The following ANK3 variants were observed in gnomAD, a reference collection of about 807,000 sequenced individuals.
ANK3 encodes ankyrin-3.
Under a neutral mutation model 370.9 loss-of-function variants are expected in ANK3, and 57 were observed. The observed-to-expected ratio is 0.15, with a 90% CI of 0.12 to 0.19. The LOEUF is 0.19. ANK3 is among the 10% of genes least tolerant of loss of function. ANK3 has a pLI of 1.00. For missense variants in ANK3, 4,439 were observed against 5,302.1 expected (o/e 0.84, Z 5.06); for synonymous variants, 1,929 against 1,946.3 (o/e 0.99, Z 0.23).
At chr10:60,185,731 C>G (rs2096307319) in intron 17 of ANK3, among the ~76,000 whole-genome samples, 1 of 152,080 alleles carries the variant, frequency 6.6e-6, no homozygotes, top group Non-Finnish European at 1.5e-5. Context: ...TTCCTATTAT[C>G]TGAAGATTTA....
rs529841711 is a variant in ANK3, at chr10:60,086,551, GTTCTT to G, written c.3748+121_3748+125del. On this transcript the variant is annotated intron_variant, in intron 30 of 43. Transcript: ENST00000280772. ...AGGTGATGGACAAGTAAAATGTTTT[GTTCTT>G]TTATTTTCTCTTATAATGTTGGCAT... The G allele has an allele frequency of 6.8e-5, 54 of 798,638 alleles. No individual in the cohort carries two copies. In the African/African-American group the frequency reaches 9.1e-4, roughly 13 times the overall value. The allele number at this position is 798,638 out of a possible 1,614,324, so 49.5% of individuals were successfully genotyped here.
At chr10:60,506,864 T>C (rs1038606580) in intron 2 of ANK3, among the ~76,000 whole-genome samples, 1 of 152,074 alleles carries the variant, frequency 6.6e-6, no homozygotes. Context: ...AAAAGGACAT[T>C]TTCCCATTAG....
chr10:60,035,792 C>A (rs2074831347), intron 43 of ANK3, among the ~76,000 whole-genome samples: 1 of 151,046 alleles, frequency 6.6e-6, no homozygotes. Context: ...GAGTTTGAGA[C>A]CAGCCTGACC....
chr10:60,200,308 G>A, intron 12 of ANK3, 81 bp from the exon 13 acceptor site: 1 of 1,109,942 alleles, frequency 9.0e-7, no homozygotes, highest in Non-Finnish European at 1.4e-6. Flanking sequence ...GCTTATGATG[G>A]ACTTTTTTCA....
intron 1 of ANK3, among the ~76,000 whole-genome samples, chr10:60,702,025 G>A (rs926791669): frequency 1.3e-5 from 2 of 152,108 alleles, no homozygotes; most frequent in Non-Finnish European, 1.5e-5. Flanking sequence ...TTGGGAGTCT[G>A]AGGCAGGAGG....
chr10:60,442,082 C>T (rs981630735), intron 2 of ANK3, among the ~76,000 whole-genome samples: 1 of 150,738 alleles, frequency 6.6e-6, no homozygotes. Flanking sequence ...AATCTATACA[C>T]ATCCTCCCAT....
chr10:60,576,152 AT>A (rs940616387), intron 2 of ANK3, among the ~76,000 whole-genome samples: 1 of 152,182 alleles, frequency 6.6e-6, no homozygotes, highest in Admixed American at 6.5e-5. Context: ...ATCAATTTGG[AT>A]GCAAAGCTCT....
intron 2 of ANK3, among the ~76,000 whole-genome samples, chr10:60,500,204 T>C (rs1192835538): frequency 6.6e-6 from 1 of 152,148 alleles, no homozygotes; most frequent in Non-Finnish European, 1.5e-5. Context: ...CCCTAAATCA[T>C]GTCTTCCCAT....
intron 1 of ANK3, among the ~76,000 whole-genome samples, chr10:60,731,228 G>C (rs1024139813): frequency 6.7e-6 from 1 of 149,822 alleles, no homozygotes; most frequent in Non-Finnish European, 1.5e-5. Context: ...ACTGTAAAAA[G>C]AAAAAAAAAT....
chr10:60,573,138 A>G (rs1039675387), intron 2 of ANK3, among the ~76,000 whole-genome samples: 3 of 150,466 alleles, frequency 2.0e-5, no homozygotes, highest in Non-Finnish European at 4.4e-5. Flanking sequence ...TTGGTCTGTA[A>G]AAAAAAAATT....
chr10:60,425,423 T>G (rs1008425286), intron 2 of ANK3, among the ~76,000 whole-genome samples: 2 of 152,160 alleles, frequency 1.3e-5, no homozygotes, highest in East Asian at 3.8e-4. Flanking sequence ...TTTCCACTTC[T>G]ATTGTCAAGT....
intron 2 of ANK3, among the ~76,000 whole-genome samples, chr10:60,447,219 A>G (rs1319318179): frequency 6.6e-6 from 1 of 152,198 alleles, no homozygotes; most frequent in Non-Finnish European, 1.5e-5. Context: ...AAGAAACCCC[A>G]TAAGAAAAAT....
chr10:60,186,267 T>C (rs2096325732), intron 17 of ANK3, among the ~76,000 whole-genome samples: 1 of 152,168 alleles, frequency 6.6e-6, no homozygotes, highest in Non-Finnish European at 1.5e-5. Context: ...TTTATGGCTA[T>C]GTGTACATAG....
intron 1 of ANK3, among the ~76,000 whole-genome samples, chr10:60,725,009 T>G (rs1460553478): frequency 1.3e-5 from 2 of 152,174 alleles, no homozygotes; most frequent in Non-Finnish European, 2.9e-5. Context: ...CATAGCCCAC[T>G]CCCATGCTCT....
chr10:60,304,984 C>T (rs1465369606), intron 1 of ANK3, among the ~76,000 whole-genome samples: 1 of 152,178 alleles, frequency 6.6e-6, no homozygotes, highest in Admixed American at 6.5e-5. Context: ...GGAGCCAGTC[C>T]TCTCTGGAAA....
intron 2 of ANK3, among the ~76,000 whole-genome samples, chr10:60,470,026 A>T (rs761984831): frequency 1.1e-4 from 17 of 152,068 alleles, no homozygotes; most frequent in Non-Finnish European, 2.2e-4. Flanking sequence ...TAGAGAAAAC[A>T]GGGAGCAGAA....
chr10:60,124,037 A>G (rs1483425436), intron 25 of ANK3, among the ~76,000 whole-genome samples: 2 of 152,248 alleles, frequency 1.3e-5, no homozygotes. Context: ...GGTAGAAAAT[A>G]TTAATTGCCC....
At chr10:60,330,514 A>G (rs1052307500) in intron 1 of ANK3, among the ~76,000 whole-genome samples, 1 of 152,080 alleles carries the variant, frequency 6.6e-6, no homozygotes, top group Non-Finnish European at 1.5e-5. Context: ...AACAAACATG[A>G]AAAAAAAGCT....
intron 9 of ANK3, among the ~76,000 whole-genome samples, chr10:60,208,685 A>C (rs2096800574): frequency 6.6e-6 from 1 of 152,166 alleles, no homozygotes; most frequent in Non-Finnish European, 1.5e-5. Flanking sequence ...TTTAAGACTA[A>C]AAGAAAAAAT....
Sources: allele counts gnomAD v4.1 joint callset (sites outside exome capture counted in the v4.1 genomes callset), GRCh38; gene constraint gnomAD v4.1.1; transcripts MANE v1.5; gene names NCBI Gene and HGNC (gene_info 2026-07-23, HGNC 2026-07-21).